FAM83G: variants seen among roughly 807,000 people sequenced by gnomAD.
FAM83G encodes scaffolding CK1 anchoring protein G, also known as protein FAM83G.
A neutral mutation model predicts 61.5 loss-of-function variants in FAM83G; 38 were observed. The ratio of observed to expected loss-of-function variants is 0.62; its 90% CI spans 0.48 to 0.81. FAM83G has a LOEUF of 0.81. FAM83G is among the 30% of genes least tolerant of loss of function. FAM83G has a pLI of 0.00. For missense variants in FAM83G, 989 were observed against 1,133.6 expected (o/e 0.87, Z 1.83); for synonymous variants, 470 against 476.1 (o/e 0.99, Z 0.17).
At position 19,003,922 on chromosome 17, in the gene FAM83G, G is replaced by A; in HGVS notation, c.120C>T (p.Ala40=). ...EQRLALEALV[A]RGRDAFYEVL... Reference sequence around the variant, plus strand: ...CCTCGTAGAAGGCGTCCCGGCCGCGGGCCACCAGGGCCTCCAGCGCCAGCC... The same window carrying A: ...CCTCGTAGAAGGCGTCCCGGCCGCGAGCCACCAGGGCCTCCAGCGCCAGCC... Residue 40 remains alanine, a synonymous_variant, in exon 2 of 6, where the codon GCC becomes GCT. Coordinates refer to ENST00000388995, the MANE Select transcript of FAM83G (RefSeq NM_001039999.3). This position sits in a 1 kb window ranked among gnomAD's most constrained non-coding sequence, Gnocchi z 4.5. 1.2e-6 allele frequency: 2 copies of A among 1,612,980 alleles called. No homozygotes were observed. Among genetic ancestry groups the A allele is most frequent in the Non-Finnish European group, 1.7e-6 (2 of 1,179,934 alleles).
Position 19,003,077 on chromosome 17 carries a change from G to A in FAM83G, c.522+443C>T, listed in dbSNP as rs2043771331. 6.6e-6 allele frequency among the ~76,000 whole-genome samples: 1 copy of A among 151,996 alleles called. No individual in the cohort carries two copies. Among genetic ancestry groups the A allele is most frequent in the African/African-American group, 2.4e-5 (1 of 41,380 alleles). On this transcript the variant is annotated intron_variant, in intron 2 of 5. Transcript: ENST00000388995. The surrounding 1 kb of genome is among the most constrained non-coding windows in gnomAD (Gnocchi z 4.5). The stretch of plus-strand genomic sequence containing the variant: ...AGGACCTCCAGGCCAGTCTCAGATG[G>A]ACTTGGACCATGCCTATTCCCTCAC...
intron 2 of FAM83G, among the ~76,000 whole-genome samples, chr17:18,997,892 C>T (rs2043608504): frequency 1.3e-5 from 2 of 152,226 alleles, no homozygotes; most frequent in Admixed American, 1.3e-4. Context: ...CACTTTTTCC[C>T]ATTTAAATCT....
chr17:18,988,695 T>G (rs548043483), intron 2 of FAM83G, among the ~76,000 whole-genome samples: 1 of 152,350 alleles, frequency 6.6e-6, no homozygotes, highest in South Asian at 2.1e-4. Flanking sequence ...TTGTAACACC[T>G]GGGAATGCTG....
intron 2 of FAM83G, among the ~76,000 whole-genome samples, chr17:18,990,782 G>C (rs2152131850): frequency 1.0e-5 from 1 of 97,552 alleles, no homozygotes; most frequent in Non-Finnish European, 2.1e-5. Context: ...TGCTGGGGAT[G>C]GGGAGGGGGA....
rs1171068255 is a variant in FAM83G at position 18,971,659 on chromosome 17, A to G, written c.2172T>C (p.Ala724=). Residue 724 remains alanine (A), a synonymous_variant, in exon 6 of 6, where the codon GCT becomes GCC. Transcript: ENST00000388995. This position sits in a 1 kb window ranked among gnomAD's most constrained non-coding sequence, Gnocchi z 5.5. Reference sequence around the variant, plus strand: ...TTCTGGTAGAGCTCTGGACGCTGTCAGCAGCAGAGCGGTACCTAGGGGGTC... The same window carrying G: ...TTCTGGTAGAGCTCTGGACGCTGTCGGCAGCAGAGCGGTACCTAGGGGGTC... ...FPGPPRYRSA[A]DSVQSSTRNA... is the part of the protein sequence containing the mutation. 3.1e-6 allele frequency: 5 copies of G among 1,613,270 alleles called. No homozygotes were observed. The East Asian group carries it at 8.9e-5, about 29-fold the overall frequency.
rs906998028 is a variant in FAM83G, at chr17:18,996,973, C to T, written c.522+6547G>A. Among the ~76,000 whole-genome samples the T allele has an allele frequency of 2.0e-5, 3 of 152,262 alleles. No individual in the cohort carries two copies. Among genetic ancestry groups the T allele is most frequent in the Admixed American group, 6.5e-5 (1 of 15,290 alleles). On this transcript the variant is annotated intron_variant, in intron 2 of 5. Coordinates refer to ENST00000388995, the MANE Select transcript of FAM83G (RefSeq NM_001039999.3). This position sits in a 1 kb window ranked among gnomAD's most constrained non-coding sequence, Gnocchi z 4.4. ...GGTCACTTCCCACTCTAAGCCTCAG[C>T]TTCTCTTCTTGGTAACATGGGGAGT... is the stretch of plus-strand genomic sequence containing the variant.
At position 18,978,256 on chromosome 17, in the gene FAM83G, G is replaced by A. The variant is rs2043036950; in HGVS notation, c.1410C>T (p.Pro470=). The A allele has an allele frequency of 1.2e-6, 2 of 1,605,320 alleles. No homozygotes were observed. Among genetic ancestry groups the A allele is most frequent in the Non-Finnish European group, 1.7e-6 (2 of 1,175,348 alleles). ...CTGGGGGAGGGCAAGGCTCTGGACG[G>A]GGCCTGCTGTCCTGGCTCTGCTTCC... is the stretch of plus-strand genomic sequence containing the variant. The part of the protein sequence containing the change: ...QLWKQSQDSR[P]RPEPCPPPEP... The change falls in exon 5 of 6, where the codon CCC becomes CCT. Residue 470 remains proline, a synonymous_variant. Coordinates refer to ENST00000388995, the MANE Select transcript of FAM83G (RefSeq NM_001039999.3).
intron 2 of FAM83G, among the ~76,000 whole-genome samples, chr17:18,999,803 T>C (rs185719996): frequency 6.6e-6 from 1 of 152,290 alleles, no homozygotes; most frequent in East Asian, 1.9e-4. Context: ...CAGAGATCAG[T>C]GTTCTGGCCC....
In FAM83G at chr17:18,971,585, C is replaced by G. The variant is rs762076161; in HGVS notation, c.2246G>C (p.Gly749Ala). The part of the protein sequence containing the change: ...AGPHHWQAKG[G>A]QVPRLLPDPG... Reference sequence around the variant, plus strand: ...ATCCGGAAGCAGGCGGGGTACCTGACCTCCCTTGGCCTGCCAGTGGTGGGG... The same window carrying G: ...ATCCGGAAGCAGGCGGGGTACCTGAGCTCCCTTGGCCTGCCAGTGGTGGGG... The change falls in exon 6 of 6, where the codon GGT (glycine) becomes GCT (alanine). Residue 749 changes from glycine to alanine, a missense_variant. Gly to Ala is a moderately conservative substitution (Grantham distance 60). Around this residue, in one of 3 missense-constraint regions of FAM83G, gnomAD observed 574 missense variants for 645.1 expected, o/e 0.89. Coordinates refer to ENST00000388995, the MANE Select transcript of FAM83G (RefSeq NM_001039999.3). This position sits in a 1 kb window ranked among gnomAD's most constrained non-coding sequence, Gnocchi z 5.5. 62 of 1,613,454 alleles carry G rather than the reference C, an allele frequency of 3.8e-5. No homozygotes were observed. The highest frequency in any genetic ancestry group is 1.6e-4 in the Middle Eastern group (1 of 6,084).
rs1051839277 is a variant in FAM83G, at chr17:18,975,532, A to C, written c.2082+2052T>G. ...TGGTAAAACCCCATCTCTACTAAAA[A>C]TACAAAAAAAAATTAGCCGGGCGTG... is the stretch of plus-strand genomic sequence containing the variant. On this transcript the variant is annotated intron_variant, in intron 5 of 5. Coordinates refer to ENST00000388995, the MANE Select transcript of FAM83G (RefSeq NM_001039999.3). Among the ~76,000 whole-genome samples, 22 of 152,212 alleles carry C rather than the reference A, an allele frequency of 1.4e-4. No individual in the cohort carries two copies. The East Asian group carries it at 2.9e-3, about 20-fold the overall frequency.
chr17:18,978,296 G>T lies in FAM83G; in HGVS notation c.1370C>A (p.Ala457Asp). Reference sequence around the variant, plus strand: ...GCTCTGCTTCCACAGCTGGTGCTGGGCGCTGGCCTGGGAGGTGTCACGGAT... The same window carrying T: ...GCTCTGCTTCCACAGCTGGTGCTGGTCGCTGGCCTGGGAGGTGTCACGGAT... ...IKIRDTSQAS[A>D]QHQLWKQSQD... Residue 457 changes from alanine to aspartate, a missense_variant, in exon 5 of 6, where the codon GCC becomes GAC. Physicochemically the swap from Ala to Asp is moderately radical, Grantham distance 126 (BLOSUM62 -2). Transcript: ENST00000388995. 1 of 1,611,266 alleles carries T rather than the reference G, an allele frequency of 6.2e-7. No individual in the cohort carries two copies. The highest frequency in any genetic ancestry group is 8.5e-7 in the Non-Finnish European group (1 of 1,178,888).
In FAM83G at chr17:19,003,940, C is replaced by A. The variant is rs758283958; in HGVS notation, c.102G>T (p.Ala34=). ...GGCCGCGGGCCACCAGGGCCTCCAG[C>A]GCCAGCCGCTGCTCCTCGCTGTAGA... ...EFFYSEEQRL[A]LEALVARGRD... is the part of the protein sequence containing the mutation. The change falls in exon 2 of 6, where the codon GCG becomes GCT. Residue 34 remains alanine (A), a synonymous_variant. Coordinates refer to ENST00000388995, the MANE Select transcript of FAM83G (RefSeq NM_001039999.3). The surrounding 1 kb of genome is among the most constrained non-coding windows in gnomAD (Gnocchi z 4.5). The A allele has an allele frequency of 2.5e-6, 4 of 1,612,788 alleles. No homozygotes were observed. The highest frequency in any genetic ancestry group is 2.7e-5 in the African/African-American group (2 of 74,924).
At chr17:18,992,935 C>A (rs1371496884) in intron 2 of FAM83G, among the ~76,000 whole-genome samples, 1 of 152,210 alleles carries the variant, frequency 6.6e-6, no homozygotes, top group Non-Finnish European at 1.5e-5. Flanking sequence ...CAGCCTGTGG[C>A]TCCTGACACC....
At position 18,971,761 on chromosome 17, in the gene FAM83G, G is replaced by T. The variant is rs1309207948; in HGVS notation, c.2083-13C>A. On this transcript the variant is annotated splice_polypyrimidine_tract_variant and intron_variant, in intron 5 of 5. Coordinates refer to ENST00000388995, the MANE Select transcript of FAM83G (RefSeq NM_001039999.3). The surrounding 1 kb of genome is among the most constrained non-coding windows in gnomAD (Gnocchi z 5.5). ...GAAACTGCTGGCCCTGGGAGAGAGA[G>T]AGCAGAGAGTGAGGCTGAGCAAGAA... 1 of 1,548,040 alleles carries T rather than the reference G, an allele frequency of 6.5e-7. No homozygotes were observed. Among genetic ancestry groups the T allele is most frequent in the South Asian group, 1.2e-5 (1 of 80,460 alleles).
Position 18,993,492 on chromosome 17 carries a change from GC to G in FAM83G, c.523-5079del, listed in dbSNP as rs1020471894. On this transcript the variant is annotated intron_variant, in intron 2 of 5. Transcript: ENST00000388995. ...CCTTACACTCACCTCACCCTCCTAG[GC>G]CTCAGAGATCCCTAGAGGCGGCTCA... 6.8e-4 allele frequency among the ~76,000 whole-genome samples: 103 copies of G among 152,230 alleles called. 1 individual carries two copies. Among genetic ancestry groups the G allele is most frequent in the African/African-American group, 2.4e-3 (100 of 41,528 alleles).
At chr17:18,974,115 A>G (rs1467773469) in intron 5 of FAM83G, among the ~76,000 whole-genome samples, 1 of 151,598 alleles carries the variant, frequency 6.6e-6, no homozygotes, top group Non-Finnish European at 1.5e-5. Context: ...CTGGTCTCGA[A>G]CTCCTGACCT....
chr17:19,001,178 C>T (rs1337602497), intron 2 of FAM83G, among the ~76,000 whole-genome samples: 2 of 152,204 alleles, frequency 1.3e-5, no homozygotes, highest in East Asian at 3.8e-4. Flanking sequence ...TTGTTATTAT[C>T]CCTGCCCACA....
chr17:18,988,081 T>A (rs551995022), intron 3 of FAM83G, among the ~76,000 whole-genome samples, 166 bp downstream of exon 3: 12 of 152,356 alleles, frequency 7.9e-5, no homozygotes, highest in African/African-American at 2.9e-4. Context: ...CCTCAGGGAA[T>A]TCAAGCAGTG....
upstream of FAM83G, among the ~76,000 whole-genome samples, chr17:19,005,031 C>CAG (rs2043843936): frequency 1.3e-5 from 2 of 152,220 alleles, no homozygotes; most frequent in Non-Finnish European, 2.9e-5. Context: ...GCCTTGGCAC[C>CAG]CCCCTGTGCC....
Sources: allele counts gnomAD v4.1 joint callset (sites outside exome capture counted in the v4.1 genomes callset), GRCh38; gene constraint gnomAD v4.1.1; regional missense constraint gnomAD v4.1.1; non-coding constraint Gnocchi (gnomAD v3.1); transcripts MANE v1.5; gene names NCBI Gene and HGNC (gene_info 2026-07-23, HGNC 2026-07-21).